CPVL: variants seen among roughly 807,000 people sequenced by gnomAD.
CPVL encodes carboxypeptidase vitellogenic like.
In CPVL, 51 loss-of-function variants were observed where a neutral mutation model predicts 63.7. The ratio of observed to expected loss-of-function variants is 0.80; its 90% CI spans 0.64 to 1.01. CPVL has a LOEUF of 1.01. Among genes scored for constraint, CPVL ranks in the 50% least tolerant of loss-of-function variants. The probability of loss-of-function intolerance (pLI) is 0.00; values close to 1 mark genes in which losing one functional copy is unlikely to be tolerated. For synonymous variants in CPVL, 195 were observed against 206.0 expected (o/e 0.95, Z 0.46); for missense variants, 530 against 573.1 (o/e 0.92, Z 0.77).
At chr7:28,997,746 A>C in intron 12 of CPVL, among the ~76,000 whole-genome samples, 1 of 141,430 alleles carries the variant, frequency 7.1e-6, no homozygotes, top group Non-Finnish European at 1.5e-5. Context: ...TGAAATTTGC[A>C]GCTTAGTCAC....
chr7:29,039,573 T>C (rs1396479310), intron 11 of CPVL, among the ~76,000 whole-genome samples: 1 of 152,206 alleles, frequency 6.6e-6, no homozygotes, highest in African/African-American at 2.4e-5. Flanking sequence ...TAGTTTATTT[T>C]CATTGTTGCT....
At chr7:29,059,074 G>A (rs1196978364) in intron 11 of CPVL, among the ~76,000 whole-genome samples, 6 of 151,880 alleles carry the variant, frequency 4.0e-5, no homozygotes, top group African/African-American at 1.5e-4. Flanking sequence ...CCACAGTTAA[G>A]GCTATTCAAA....
At chr7:29,103,172 T>G in intron 3 of CPVL, among the ~76,000 whole-genome samples, 1 of 24,800 alleles carries the variant, frequency 4.0e-5, no homozygotes, top group Non-Finnish European at 7.9e-5. Context: ...AACAGTAAGT[T>G]AATATACTGG....
At chr7:29,007,872 G>C (rs1012155947) in intron 12 of CPVL, among the ~76,000 whole-genome samples, 3 of 152,136 alleles carry the variant, frequency 2.0e-5, no homozygotes, top group Admixed American at 2.0e-4. Context: ...GTGCTAAGGG[G>C]TATGCTACAA....
chr7:29,188,843 AT>A (rs1344974110), intron 1 of CPVL, among the ~76,000 whole-genome samples: 1 of 152,080 alleles, frequency 6.6e-6, no homozygotes, highest in Admixed American at 6.5e-5. Context: ...AATCATTTCT[AT>A]AGCTATTTTA....
chr7:29,190,807 C>G (rs999658043), intron 1 of CPVL, among the ~76,000 whole-genome samples: 6 of 152,180 alleles, frequency 3.9e-5, no homozygotes, highest in Admixed American at 1.3e-4. Flanking sequence ...GAACCATTTA[C>G]AGATGTCCTT....
At chr7:29,046,942 G>T (rs1789683756) in intron 11 of CPVL, among the ~76,000 whole-genome samples, 2 of 152,128 alleles carry the variant, frequency 1.3e-5, no homozygotes, top group African/African-American at 4.8e-5. Context: ...TAAGACTAAG[G>T]ACTAAGGAAT....
At chr7:29,147,102 C>T (rs907077158), upstream of CPVL, 4 of 1,132,156 alleles carry the variant, frequency 3.5e-6, no homozygotes, top group African/African-American at 6.2e-5. Flanking sequence ...TTAAGTAACC[C>T]ATCCAGGGTC....
Position 29,002,287 on chromosome 7 carries a change from G to A in CPVL, c.1321-6405C>T, listed in dbSNP as rs150642495. ...GCACTGCAGGCTTTCCATCAGATCC[G>A]TGAAAGACAATGCCTTGGAAGTAAT... On this transcript the variant is annotated intron_variant, in intron 12 of 12. Coordinates refer to ENST00000265394, the MANE Select transcript of CPVL (RefSeq NM_031311.5). Among the ~76,000 whole-genome samples the A allele has an allele frequency of 9.0e-3, 1,364 of 152,238 alleles. 25 individuals carry two copies. Among genetic ancestry groups the A allele is most frequent in the African/African-American group, 0.031 (1,308 of 41,544 alleles).
At chr7:29,014,217 T>C (rs922777133) in intron 12 of CPVL, among the ~76,000 whole-genome samples, 4 of 152,154 alleles carry the variant, frequency 2.6e-5, no homozygotes, top group Non-Finnish European at 4.4e-5. Flanking sequence ...GTCTGGAAGA[T>C]AGAGACAAAG....
intron 11 of CPVL, 52 bp downstream of exon 11, chr7:29,064,009 G>T: frequency 7.7e-7 from 1 of 1,303,908 alleles, no homozygotes; most frequent in Non-Finnish European, 1.1e-6. Context: ...AATCACTTCT[G>T]CTCTGGGTAA....
intron 9 of CPVL, 36 bp downstream of exon 9, chr7:29,071,735 TAA>T: frequency 1.3e-6 from 2 of 1,543,180 alleles, no homozygotes; most frequent in South Asian, 1.2e-5. Context: ...CAGATGGTTT[TAA>T]TTGCTCAAGG....
chr7:29,079,519 G>A, intron 7 of CPVL, among the ~76,000 whole-genome samples: 1 of 152,236 alleles, frequency 6.6e-6, no homozygotes, highest in Admixed American at 6.5e-5. Flanking sequence ...TAAGGCAGCT[G>A]TTAGGATTAA....
At chr7:29,174,310 T>G (rs1562807989) in intron 5 of CPVL, among the ~76,000 whole-genome samples, 1 of 152,170 alleles carries the variant, frequency 6.6e-6, no homozygotes, top group African/African-American at 2.4e-5. Flanking sequence ...TATTTTGGTA[T>G]GCAGGCACAT....
At chr7:29,131,210 G>T (rs1298159798) in intron 1 of CPVL, among the ~76,000 whole-genome samples, 1 of 151,992 alleles carries the variant, frequency 6.6e-6, no homozygotes, top group Non-Finnish European at 1.5e-5. Context: ...AAAAAGAATT[G>T]CCTCCTTTCT....
At chr7:28,999,885 A>G (rs1170409383) in intron 12 of CPVL, among the ~76,000 whole-genome samples, 3 of 150,106 alleles carry the variant, frequency 2.0e-5, no homozygotes, top group African/African-American at 7.4e-5. Context: ...GTGTGGAAAA[A>G]TAAACCACTC....
chr7:29,039,276 G>A (rs1220417662), intron 11 of CPVL, among the ~76,000 whole-genome samples: 1 of 152,126 alleles, frequency 6.6e-6, no homozygotes, highest in Non-Finnish European at 1.5e-5. Flanking sequence ...TCCTAGTAAA[G>A]ACCTAATGAA....
At chr7:29,093,205 C>A (rs1336837597) in intron 5 of CPVL, among the ~76,000 whole-genome samples, 3 of 151,622 alleles carry the variant, frequency 2.0e-5, no homozygotes, top group Admixed American at 1.3e-4. Context: ...GGCGAAACCC[C>A]GTTTCTACTA....
intron 11 of CPVL, among the ~76,000 whole-genome samples, chr7:29,035,223 A>G (rs892160220): frequency 3.3e-5 from 5 of 152,220 alleles, no homozygotes; most frequent in Non-Finnish European, 7.3e-5. Flanking sequence ...GGTCAGGAAC[A>G]GAAGTGTTCC....
Sources: allele counts gnomAD v4.1 joint callset (sites outside exome capture counted in the v4.1 genomes callset), GRCh38; gene constraint gnomAD v4.1.1; transcripts MANE v1.5; gene names NCBI Gene and HGNC (gene_info 2026-07-23, HGNC 2026-07-21).